ZNRF2: variants seen among roughly 807,000 people sequenced by gnomAD.
ZNRF2 encodes E3 ubiquitin-protein ligase ZNRF2.
In ZNRF2, 16 loss-of-function variants were observed where a neutral mutation model predicts 20.4. That is an observed-to-expected ratio of 0.79 (90% CI 0.53 to 1.19). ZNRF2 has a LOEUF of 1.19. ZNRF2 is among the 50% of genes most tolerant of loss of function. The probability of loss-of-function intolerance (pLI) is 0.00; values close to 1 mark genes in which losing one functional copy is unlikely to be tolerated. For missense variants in ZNRF2, 363 were observed against 332.4 expected, an observed-to-expected ratio of 1.09 and a Z score of -0.72; for synonymous variants, 178 against 144.9, an observed-to-expected ratio of 1.23 and a Z score of -1.64.
In ZNRF2 at chr7:30,285,416, G is replaced by A; in HGVS notation, c.59G>A (p.Gly20Asp). The change falls in exon 1 of 5, where the codon GGC (glycine) becomes GAC (aspartate). Residue 20 changes from glycine to aspartate, a missense_variant. Gly to Asp is a moderately conservative substitution (Grantham distance 94, BLOSUM62 -1). Around this residue, in one of 2 missense-constraint regions of ZNRF2, gnomAD observed 302 missense variants for 231.5 expected, o/e 1.30. Transcript: ENST00000323037. ...AANGRTRAYS[G>D]SDLPSSSSGG... ...AACGGCCGCACGCGCGCGTACTCGG[G>A]CTCGGATCTACCTTCCAGTAGCAGC... is the stretch of plus-strand genomic sequence containing the variant. The A allele has an allele frequency of 8.0e-7, 1 of 1,251,326 alleles. No homozygotes were observed. The highest frequency in any genetic ancestry group is 1.0e-6 in the Non-Finnish European group (1 of 982,400). The allele number at this position is 1,251,326 out of a possible 1,614,324, so 77.5% of individuals were successfully genotyped here. A position where few individuals can be genotyped will look rare whatever the true frequency, so the allele number is the denominator to read the frequency against.
chr7:30,316,258 A>T (rs1799372845), intron 1 of ZNRF2, among the ~76,000 whole-genome samples: 1 of 130,946 alleles, frequency 7.6e-6, no homozygotes, highest in South Asian at 2.8e-4. Context: ...ACTGTACTCC[A>T]GCCTGGGCAA....
At chr7:30,302,695 A>G (rs890332972) in intron 1 of ZNRF2, among the ~76,000 whole-genome samples, 5 of 152,238 alleles carry the variant, frequency 3.3e-5, no homozygotes, top group East Asian at 1.9e-4. Context: ...TTTCTATGGT[A>G]ACACATGTAT....
intron 2 of ZNRF2, among the ~76,000 whole-genome samples, chr7:30,336,246 C>T (rs76716961): frequency 0.012 from 1,752 of 152,202 alleles, 17 homozygotes; most frequent in South Asian, 0.036. Context: ...GCTCCCCCTC[C>T]CACCTTAAGT....
At chr7:30,293,248 A>ATTTTTT (rs71557451) in intron 1 of ZNRF2, among the ~76,000 whole-genome samples, 1 of 133,732 alleles carries the variant, frequency 7.5e-6, no homozygotes. Context: ...AAATTTTTAC[A>ATTTTTT]TTTTTTTTTT....
chr7:30,294,715 G>T (rs1798979407), intron 1 of ZNRF2, among the ~76,000 whole-genome samples: 1 of 150,358 alleles, frequency 6.7e-6, no homozygotes, highest in Non-Finnish European at 1.5e-5. Context: ...AACCTGGGAG[G>T]TGAAGGTTGC....
At chr7:30,315,618 T>C (rs952985348) in intron 1 of ZNRF2, among the ~76,000 whole-genome samples, 6 of 151,720 alleles carry the variant, frequency 4.0e-5, no homozygotes, top group Admixed American at 6.6e-5. Flanking sequence ...AGTGTAACTC[T>C]TTTTGGACAA....
At chr7:30,352,989 ATAG>A (rs1391461265) in intron 2 of ZNRF2, among the ~76,000 whole-genome samples, 4 of 152,124 alleles carry the variant, frequency 2.6e-5, no homozygotes, top group Admixed American at 1.3e-4. Flanking sequence ...AAGTGTCATT[ATAG>A]GGGTGAGAGA....
intron 1 of ZNRF2, among the ~76,000 whole-genome samples, chr7:30,310,243 T>A (rs1488291330): frequency 1.3e-5 from 2 of 152,228 alleles, no homozygotes; most frequent in Non-Finnish European, 2.9e-5. Context: ...TCATTATTCC[T>A]TAGCCCTTTG....
intron 1 of ZNRF2, among the ~76,000 whole-genome samples, chr7:30,309,291 ACAAT>A (rs940694002): frequency 3.0e-4 from 46 of 152,304 alleles, no homozygotes; most frequent in African/African-American, 1.1e-3. Context: ...TTCTGTTTCA[ACAAT>A]CAGAGTCAAA....
intron 2 of ZNRF2, among the ~76,000 whole-genome samples, chr7:30,355,194 T>C (rs1440382876): frequency 6.6e-6 from 1 of 152,166 alleles, no homozygotes; most frequent in Non-Finnish European, 1.5e-5. Context: ...TCCAAAAGTC[T>C]CTTTCAGAAT....
intron 2 of ZNRF2, among the ~76,000 whole-genome samples, chr7:30,326,335 T>C (rs1043281094): frequency 6.6e-6 from 1 of 152,216 alleles, no homozygotes; most frequent in Non-Finnish European, 1.5e-5. Context: ...CCCCTCTTTG[T>C]GTCCATGTGC....
chr7:30,359,767 G>T (rs991663187), intron 3 of ZNRF2, among the ~76,000 whole-genome samples: 1 of 152,000 alleles, frequency 6.6e-6, no homozygotes, highest in Non-Finnish European at 1.5e-5. Flanking sequence ...TTAAAAAAAC[G>T]TATTTACAGT....
intron 2 of ZNRF2, among the ~76,000 whole-genome samples, chr7:30,332,515 T>C (rs1799651535): frequency 6.6e-6 from 1 of 152,150 alleles, no homozygotes; most frequent in Admixed American, 6.5e-5. Context: ...TCAACCCTTG[T>C]CCCCCTCCCT....
At chr7:30,329,067 C>G (rs924770436) in intron 2 of ZNRF2, among the ~76,000 whole-genome samples, 4 of 152,142 alleles carry the variant, frequency 2.6e-5, no homozygotes, top group Non-Finnish European at 5.9e-5. Flanking sequence ...TATAGAGGCT[C>G]TCTTCATTTC....
intron 2 of ZNRF2, among the ~76,000 whole-genome samples, chr7:30,336,829 G>GC (rs2127950786): frequency 6.6e-6 from 1 of 152,170 alleles, no homozygotes; most frequent in East Asian, 1.9e-4. Flanking sequence ...TATAAGAGAA[G>GC]CATATATATT....
At chr7:30,301,713 A>AC (rs1481979500) in intron 1 of ZNRF2, among the ~76,000 whole-genome samples, 27 of 151,620 alleles carry the variant, frequency 1.8e-4, no homozygotes, top group Admixed American at 7.9e-4. Context: ...AAAAAAAAAA[A>AC]AAAAAAAAAA....
chr7:30,295,822 T>G (rs1481323855), intron 1 of ZNRF2, among the ~76,000 whole-genome samples: 1 of 152,198 alleles, frequency 6.6e-6, no homozygotes, highest in African/African-American at 2.4e-5. Context: ...ATGAAAAAAT[T>G]GAAACATCCA....
At chr7:30,330,571 G>T (rs1317002881) in intron 2 of ZNRF2, among the ~76,000 whole-genome samples, 1 of 152,092 alleles carries the variant, frequency 6.6e-6, no homozygotes, top group Admixed American at 6.5e-5. Context: ...TAACATGTTT[G>T]CAGGAAAGAG....
chr7:30,325,273 C>G (rs542662453), intron 2 of ZNRF2, among the ~76,000 whole-genome samples: 2 of 152,048 alleles, frequency 1.3e-5, no homozygotes, highest in Admixed American at 1.3e-4. Flanking sequence ...AAATTTTGGC[C>G]TGAAATAAAA....
Sources: allele counts gnomAD v4.1 joint callset (sites outside exome capture counted in the v4.1 genomes callset), GRCh38; gene constraint gnomAD v4.1.1; regional missense constraint gnomAD v4.1.1; transcripts MANE v1.5; gene names NCBI Gene and HGNC (gene_info 2026-07-23, HGNC 2026-07-21).